The following DIP2A variants were observed in gnomAD, a reference collection of about 807,000 sequenced individuals.
The protein encoded by DIP2A is DIP2 acetate--CoA ligase A.
Under a neutral mutation model 177.4 loss-of-function variants are expected in DIP2A, and 85 were observed. That is an observed-to-expected ratio of 0.48 (90% CI 0.40 to 0.57). The LOEUF (loss-of-function observed/expected upper bound fraction) is 0.57, where lower values mean the gene tolerates loss of function less well. Among genes scored for constraint, DIP2A ranks in the 20% least tolerant of loss-of-function variants. DIP2A has a pLI of 0.00. For missense variants in DIP2A, 1,791 were observed against 2,100.2 expected, an observed-to-expected ratio of 0.85 and a Z score of 2.88; for synonymous variants, 886 against 881.8, an observed-to-expected ratio of 1.00 and a Z score of -0.08.
chr21:46,508,182 A>T (rs2148606771), intron 6 of DIP2A, among the ~76,000 whole-genome samples: 2 of 151,550 alleles, frequency 1.3e-5, no homozygotes, highest in African/African-American at 4.8e-5. Context: ...TGCAGGCACA[A>T]GCCACCACAT....
intron 28 of DIP2A, 48 bp from the exon 29 acceptor site, chr21:46,555,934 A>G: frequency 7.1e-7 from 1 of 1,416,318 alleles, no homozygotes; most frequent in East Asian, 2.3e-5. Context: ...CAGAGCGTTC[A>G]GAATACATGT....
intron 25 of DIP2A, 129 bp from the exon 26 acceptor site, chr21:46,554,040 T>C (rs2060365053): frequency 1.6e-6 from 2 of 1,274,204 alleles, no homozygotes; most frequent in Non-Finnish European, 2.1e-6. Flanking sequence ...GACTGACACA[T>C]TGTCATTATC....
At chr21:46,499,882 A>G (rs1174819552) in intron 5 of DIP2A, among the ~76,000 whole-genome samples, 1 of 152,216 alleles carries the variant, frequency 6.6e-6, no homozygotes, top group African/African-American at 2.4e-5. Flanking sequence ...TAAGTGGTGA[A>G]GCCAGGGCTG....
chr21:46,490,447 A>G (rs1040599862), intron 2 of DIP2A, among the ~76,000 whole-genome samples, 153 bp from the exon 3 acceptor site: 8 of 152,236 alleles, frequency 5.3e-5, no homozygotes, highest in South Asian at 2.1e-4. Flanking sequence ...CTTAACCCAC[A>G]GCATTTATGC....
rs542109910 is a variant in DIP2A, at chr21:46,544,896, A to C, written c.2177-241A>C. Among the ~76,000 whole-genome samples, 21 of 152,330 alleles carry C rather than the reference A, an allele frequency of 1.4e-4. No individual in the cohort carries two copies. The East Asian group carries it at 3.9e-3, about 28-fold the overall frequency. On this transcript the variant is annotated intron_variant, in intron 18 of 37. Transcript: ENST00000417564. ...TATTTTGTCAGCCGGGGCTTATTAC[A>C]TGAAGGATGTGTTGTACTTTCTGGT...
intron 1 of DIP2A, among the ~76,000 whole-genome samples, chr21:46,465,619 G>C (rs76995051): frequency 6.6e-6 from 1 of 152,186 alleles, no homozygotes; most frequent in East Asian, 1.9e-4. Context: ...GCACTTTAAC[G>C]TAAATTGAGG....
chr21:46,526,784 T>C (rs1168888658), intron 8 of DIP2A, among the ~76,000 whole-genome samples: 1 of 152,206 alleles, frequency 6.6e-6, no homozygotes, highest in African/African-American at 2.4e-5. Flanking sequence ...TTACAAAAGA[T>C]TCATAAGCTA....
At chr21:46,459,277 C>A in intron 1 of DIP2A, 55 bp downstream of exon 1, 1 of 1,428,282 alleles carries the variant, frequency 7.0e-7, no homozygotes, top group Non-Finnish European at 9.3e-7. Flanking sequence ...CGGTCCCCCG[C>A]GCAGCCCCTC....
chr21:46,554,787 C>CGG, intron 27 of DIP2A, 35 bp from the exon 28 acceptor site: 1 of 486,594 alleles, frequency 2.1e-6, no homozygotes, highest in South Asian at 1.6e-5. Context: ...GCTTGAGAGG[C>CGG]CCCGCCCACC....
intron 6 of DIP2A, among the ~76,000 whole-genome samples, chr21:46,507,879 T>G (rs2058099010): frequency 1.3e-5 from 2 of 151,646 alleles, no homozygotes; most frequent in African/African-American, 2.4e-5. Context: ...TTTTTTTTCT[T>G]TACTACAGGT....
chr21:46,500,737 T>A (rs1312773041), intron 5 of DIP2A, among the ~76,000 whole-genome samples: 3 of 152,246 alleles, frequency 2.0e-5, no homozygotes, highest in African/African-American at 7.2e-5. Context: ...AGCCCTCAAC[T>A]TTCCAGTGAT....
chr21:46,475,427 T>G (rs1242471612), intron 1 of DIP2A, among the ~76,000 whole-genome samples: 1 of 152,230 alleles, frequency 6.6e-6, no homozygotes, highest in African/African-American at 2.4e-5. Flanking sequence ...GGTCTTAACT[T>G]CTGTTAGAAG....
At chr21:46,497,200 T>A (rs1601518118) in intron 4 of DIP2A, 93 bp downstream of exon 4, 5 of 1,467,692 alleles carry the variant, frequency 3.4e-6, no homozygotes, top group Non-Finnish European at 4.6e-6. Context: ...GGAATATCCG[T>A]CTGGCCTGTA....
intron 3 of DIP2A, among the ~76,000 whole-genome samples, chr21:46,495,227 C>G (rs1339412482): frequency 2.5e-5 from 2 of 79,564 alleles, no homozygotes; most frequent in African/African-American, 1.8e-4. Flanking sequence ...CTCTTCTCTT[C>G]TCTTCTCTTC....
intron 1 of DIP2A, among the ~76,000 whole-genome samples, chr21:46,467,705 A>T (rs2054961868): frequency 6.6e-6 from 1 of 151,522 alleles, no homozygotes; most frequent in Admixed American, 6.6e-5. Flanking sequence ...AACAAAATTT[A>T]TTATTCATGT....
the DIP2A span, among the ~76,000 whole-genome samples, chr21:46,580,198 G>A: frequency 0.059 from 9,049 of 152,102 alleles, 328 homozygotes; most frequent in Non-Finnish European, 0.078. Context: ...TTTTACCATT[G>A]TGTAATGCCC....
rs752628688 is a variant in DIP2A at position 46,514,617 on chromosome 21, C to CTTTTTTTT, written c.1102+3019_1102+3026dup. 4.3e-3 allele frequency among the ~76,000 whole-genome samples: 302 copies of CTTTTTTTT among 70,208 alleles called. 1 individual carries two copies. The highest frequency in any genetic ancestry group is 5.8e-3 in the Admixed American group (24 of 4,142). The allele number at this position is 70,208 out of a possible 152,430, so 46.1% of individuals were successfully genotyped here. On this transcript the variant is annotated intron_variant, in intron 8 of 37. Coordinates refer to ENST00000417564, the MANE Select transcript of DIP2A (RefSeq NM_015151.4). ...CCTTTCCAATACTTAAACTTTTATT[C>CTTTTTTTT]TTTTTTTTTTTTTTTTTTTTTTTGG...
the DIP2A span, among the ~76,000 whole-genome samples, chr21:46,576,770 A>T: frequency 6.6e-6 from 1 of 152,188 alleles, no homozygotes; most frequent in East Asian, 1.9e-4. Context: ...ATTTCTTTGC[A>T]GCCTCACCAG....
chr21:46,517,877 A>G (rs1051827429), intron 8 of DIP2A, among the ~76,000 whole-genome samples: 1 of 152,234 alleles, frequency 6.6e-6, no homozygotes, highest in Admixed American at 6.5e-5. Context: ...AGCTCAGCTC[A>G]CTTTCCGGAG....
Sources: gnomAD v4.1 joint callset for allele counts (sites outside exome capture counted in the v4.1 genomes callset) on GRCh38, gnomAD v4.1.1 for gene constraint, MANE v1.5 for transcripts, NCBI Gene and HGNC (gene_info 2026-07-23, HGNC 2026-07-21) for gene names.